Variants in PCDHGA3 observed in about 807,000 individuals in gnomAD.
The protein encoded by PCDHGA3 is protocadherin gamma-A3.
A neutral mutation model predicts 58.5 loss-of-function variants in PCDHGA3; 40 were observed. The ratio of observed to expected loss-of-function variants is 0.68; its 90% CI spans 0.53 to 0.89. The LOEUF (loss-of-function observed/expected upper bound fraction) is 0.89. Among genes scored for constraint, PCDHGA3 ranks in the 40% least tolerant of loss-of-function variants. The pLI, the probability that PCDHGA3 is intolerant of heterozygous loss-of-function variation, is 0.00. For synonymous variants in PCDHGA3, 530 were observed against 525.7 expected (o/e 1.01, Z -0.11); for missense variants, 1,223 against 1,195.9 (o/e 1.02, Z -0.33).
chr5:141,351,704 A>G, intron 1 of PCDHGA3: 1 of 1,613,904 alleles, frequency 6.2e-7, no homozygotes, highest in South Asian at 1.1e-5. Context: ...ACCCAACGGC[A>G]GAGTCTCCTA....
At chr5:141,419,753 T>C (rs764151937) in intron 1 of PCDHGA3, 10 of 1,613,856 alleles carry the variant, frequency 6.2e-6, no homozygotes, top group South Asian at 2.2e-5. Context: ...GGTGCGTGCT[T>C]TGGGTGACAA....
intron 1 of PCDHGA3, chr5:141,471,300 C>T (rs2099254628): frequency 6.6e-6 from 1 of 152,190 alleles, no homozygotes; most frequent in African/African-American, 2.4e-5. Context: ...ATCCACCCAA[C>T]TCGGCCTCCC....
chr5:141,407,143 A>G (rs2154538062), intron 1 of PCDHGA3, among the ~76,000 whole-genome samples: 1 of 152,360 alleles, frequency 6.6e-6, no homozygotes, highest in East Asian at 1.9e-4. Flanking sequence ...AAGAAAAAAA[A>G]GCTGAAGTGT....
chr5:141,491,080 A>T lies in PCDHGA3; in HGVS notation c.2425-3727A>T. On this transcript the variant is annotated intron_variant, in intron 1 of 3. Transcript: ENST00000253812. This position sits in a 1 kb window ranked among gnomAD's most constrained non-coding sequence, Gnocchi z 6.9. ...CTCCTACTCACTGTTGCCACAGTCC[A>T]CAGCCCCAGGACTGTTCCTCGTGTC... The T allele has an allele frequency of 6.2e-7, 1 of 1,614,116 alleles. No individual in the cohort carries two copies. Among genetic ancestry groups the T allele is most frequent in the Non-Finnish European group, 8.5e-7 (1 of 1,179,994 alleles).
At position 141,344,687 on chromosome 5, in the gene PCDHGA3, C is replaced by A. The variant is rs1047556381; in HGVS notation, c.654C>A (p.Gly218=). ...HQLVLVASDG[G]DPVHSGNLHI... is the part of the protein sequence containing the mutation. The stretch of plus-strand genomic sequence containing the variant: ...TTGTCCTGGTTGCCTCTGATGGTGG[C>A]GACCCTGTCCACTCTGGCAACTTGC... The change falls in exon 1 of 4, where the codon GGC becomes GGA. Residue 218 remains glycine (G), a synonymous_variant. Transcript: ENST00000253812. 1.2e-6 allele frequency: 2 copies of A among 1,613,940 alleles called. No individual in the cohort carries two copies. The highest frequency in any genetic ancestry group is 8.5e-7 in the Non-Finnish European group (1 of 1,179,890).
chr5:141,404,579 A>G (rs1390358900), intron 1 of PCDHGA3: 1 of 1,614,002 alleles, frequency 6.2e-7, no homozygotes, highest in Non-Finnish European at 8.5e-7. Flanking sequence ...CCCACCACTT[A>G]GCAGCAATGT....
intron 1 of PCDHGA3, chr5:141,394,168 T>A (rs1291860578): frequency 1.7e-5 from 27 of 1,613,634 alleles, no homozygotes; most frequent in Non-Finnish European, 2.2e-5. Flanking sequence ...CCTCCTACTT[T>A]CCCTCATGCC....
intron 1 of PCDHGA3, chr5:141,362,418 C>T (rs187134440): frequency 2.5e-6 from 4 of 1,614,026 alleles, no homozygotes; most frequent in African/African-American, 2.7e-5. Context: ...CACAATCAGC[C>T]AAGACAGAGT....
In PCDHGA3 at chr5:141,486,056, C is replaced by T; in HGVS notation, c.2425-8751C>T. 6.2e-7 allele frequency: 1 copy of T among 1,614,170 alleles called. No homozygotes were observed. The highest frequency in any genetic ancestry group is 8.5e-7 in the Non-Finnish European group (1 of 1,180,026). ...TGATCGTGTAAGAAACCTCTTTAGC[C>T]TGCACCCCACTACTGGAAAGCTTAC... On this transcript the variant is annotated intron_variant, in intron 1 of 3. Transcript: ENST00000253812. The surrounding 1 kb of genome is among the most constrained non-coding windows in gnomAD (Gnocchi z 5.0).
intron 3 of PCDHGA3, among the ~76,000 whole-genome samples, chr5:141,507,777 CT>C (rs1213538221): frequency 6.6e-6 from 1 of 152,220 alleles, no homozygotes; most frequent in Admixed American, 6.5e-5. Context: ...CACACAGGGC[CT>C]GACCCTCGTC....
chr5:141,500,444 C>T (rs1032064705), intron 2 of PCDHGA3, among the ~76,000 whole-genome samples: 3 of 151,370 alleles, frequency 2.0e-5, no homozygotes, highest in African/African-American at 4.9e-5. Context: ...CTCCTGACCT[C>T]GTGATCCGCC....
In PCDHGA3 at chr5:141,352,429, T is replaced by C. The variant is rs541911946; in HGVS notation, c.2424+5972T>C. ...CCAGCCTCGACACTGAGGGCTGCTT[T>C]CAAACCGGTCTCTGCTCCAAGTCTG... On this transcript the variant is annotated intron_variant, in intron 1 of 3. Coordinates refer to ENST00000253812, the MANE Select transcript of PCDHGA3 (RefSeq NM_018916.4). 13 of 1,614,058 alleles carry C rather than the reference T, an allele frequency of 8.1e-6. No individual in the cohort carries two copies. In the South Asian group the frequency reaches 1.3e-4, roughly 16 times the overall value.
intron 1 of PCDHGA3, among the ~76,000 whole-genome samples, chr5:141,469,311 T>C (rs970450899): frequency 3.3e-5 from 5 of 152,040 alleles, no homozygotes; most frequent in Admixed American, 3.3e-4. Context: ...GCACGATGGC[T>C]CACGCCTGTA....
At chr5:141,389,743 G>T in intron 1 of PCDHGA3, 8 of 1,612,624 alleles carry the variant, frequency 5.0e-6, no homozygotes, top group Non-Finnish European at 6.8e-6. Flanking sequence ...CTGGGGCTGC[G>T]CACGGGCGAA....
chr5:141,382,913 C>T (rs1778570973), intron 1 of PCDHGA3: 1 of 1,553,116 alleles, frequency 6.4e-7, no homozygotes, highest in Admixed American at 2.0e-5. Flanking sequence ...GCGGCTCAGC[C>T]GAGGGGCGGG....
At chr5:141,510,674 GGCAT>G (rs1388331907) in intron 3 of PCDHGA3, among the ~76,000 whole-genome samples, 6 of 152,132 alleles carry the variant, frequency 3.9e-5, no homozygotes, top group Non-Finnish European at 8.8e-5. Flanking sequence ...AAACTGAAGT[GGCAT>G]AAGGAGGTTA....
chr5:141,371,294 A>T, intron 1 of PCDHGA3: 2 of 1,614,012 alleles, frequency 1.2e-6, no homozygotes, highest in Non-Finnish European at 1.7e-6. Flanking sequence ...AAACGGGGGA[A>T]CTCACCACTA....
intron 1 of PCDHGA3, among the ~76,000 whole-genome samples, chr5:141,453,176 C>T (rs1225418058): frequency 6.6e-6 from 1 of 152,042 alleles, no homozygotes; most frequent in Non-Finnish European, 1.5e-5. Flanking sequence ...TCCAGTGGTA[C>T]AATCACAGCT....
At chr5:141,385,152 G>C in intron 1 of PCDHGA3, 1 of 1,614,210 alleles carries the variant, frequency 6.2e-7, no homozygotes, top group Non-Finnish European at 8.5e-7. Flanking sequence ...CTTTCCTGCA[G>C]ACCTATTCCC....
Sources: gnomAD v4.1 joint callset for allele counts (sites outside exome capture counted in the v4.1 genomes callset) on GRCh38, gnomAD v4.1.1 for gene constraint, Gnocchi (gnomAD v3.1) non-coding constraint, MANE v1.5 for transcripts, NCBI Gene and HGNC (gene_info 2026-07-23, HGNC 2026-07-21) for gene names.